VPS37A: variants seen among roughly 807,000 people sequenced by gnomAD.
The protein encoded by VPS37A is vacuolar protein sorting-associated protein 37A.
A neutral mutation model predicts 49.8 loss-of-function variants in VPS37A; 30 were observed. The observed-to-expected ratio is 0.60, with a 90% CI of 0.45 to 0.82. The LOEUF (loss-of-function observed/expected upper bound fraction) is 0.82, where lower values mean the gene tolerates loss of function less well. VPS37A is among the 40% of genes least tolerant of loss of function. The probability of loss-of-function intolerance (pLI) is 0.00; values close to 1 mark genes in which losing one functional copy is unlikely to be tolerated. For synonymous variants in VPS37A, 195 were observed against 160.6 expected (o/e 1.21, Z -1.62); for missense variants, 593 against 464.4 (o/e 1.28, Z -2.55).
At chr8:17,317,326 G>T in the VPS37A span, among the ~76,000 whole-genome samples, 2 of 152,172 alleles carry the variant, frequency 1.3e-5, no homozygotes, top group Non-Finnish European at 2.9e-5. Context: ...TAACATCTGC[G>T]AGTCCTTTGT....
chr8:17,267,806 C>T (rs977522134), intron 2 of VPS37A, among the ~76,000 whole-genome samples: 3 of 152,172 alleles, frequency 2.0e-5, no homozygotes, highest in African/African-American at 7.2e-5. Context: ...GGACTACAGG[C>T]ATGCACCACC....
chr8:17,304,563 T>C, downstream of VPS37A: 2 of 1,584,414 alleles, frequency 1.3e-6, no homozygotes, highest in African/African-American at 1.3e-5. Flanking sequence ...ATTTTGGTGC[T>C]TACACACAGT....
chr8:17,328,404 T>C, the VPS37A span, among the ~76,000 whole-genome samples: 2 of 152,198 alleles, frequency 1.3e-5, no homozygotes, highest in Non-Finnish European at 2.9e-5. Context: ...TTCCAGGCTC[T>C]TCTACGGACT....
chr8:17,301,636 C>T (rs898245570), downstream of VPS37A: 1 of 153,702 alleles, frequency 6.5e-6, no homozygotes, highest in Non-Finnish European at 1.4e-5. Context: ...TACATTAGTA[C>T]CATTGGAAAC....
chr8:17,287,810 C>G (rs923009550), intron 11 of VPS37A, among the ~76,000 whole-genome samples: 1 of 152,062 alleles, frequency 6.6e-6, no homozygotes, highest in Non-Finnish European at 1.5e-5. Context: ...GAGTAACTGA[C>G]CCAGTATGGG....
At chr8:17,253,692 C>T (rs967868143) in intron 1 of VPS37A, among the ~76,000 whole-genome samples, 2 of 152,172 alleles carry the variant, frequency 1.3e-5, no homozygotes, top group African/African-American at 4.8e-5. Context: ...CCCACTGCCG[C>T]TAGGTTAGGT....
rs1311522150 is a variant in VPS37A at position 17,247,282 on chromosome 8, C to A, written c.38C>A (p.Ser13Tyr). 1.3e-6 allele frequency: 2 copies of A among 1,567,272 alleles called. No individual in the cohort carries two copies. The highest frequency in any genetic ancestry group is 3.7e-5 in the Admixed American group (2 of 53,780). ...TTTCCCCTGACCAAGAGCGCCTCCTCCTCCGCGGCTGGGTCCCCCGGTGGC... is the reference window on the plus strand; with the variant it reads ...TTTCCCCTGACCAAGAGCGCCTCCTACTCCGCGGCTGGGTCCCCCGGTGGC... ...WLFPLTKSAS[S>Y]SAAGSPGGLT... Residue 13 changes from serine (S) to tyrosine (Y), a missense_variant, in exon 1 of 12, where the codon TCC becomes TAC. Physicochemically the swap from Ser to Tyr is moderately radical, Grantham distance 144. Coordinates refer to ENST00000324849, the MANE Select transcript of VPS37A (RefSeq NM_152415.3).
chr8:17,288,940 T>C (rs962347351), intron 11 of VPS37A, among the ~76,000 whole-genome samples: 1 of 152,224 alleles, frequency 6.6e-6, no homozygotes, highest in Non-Finnish European at 1.5e-5. Flanking sequence ...TATCTCATTG[T>C]GGTTTTGATT....
intron 1 of VPS37A, chr8:17,247,689 C>T: frequency 1.4e-6 from 1 of 702,982 alleles, no homozygotes; most frequent in Non-Finnish European, 2.6e-6. Flanking sequence ...CCAGGCTTCG[C>T]CACTGATCTT....
the VPS37A span, among the ~76,000 whole-genome samples, chr8:17,317,962 A>T: frequency 6.6e-6 from 1 of 151,902 alleles, no homozygotes; most frequent in Non-Finnish European, 1.5e-5. Context: ...GGAGGTGGGT[A>T]AGTTATTATA....
At chr8:17,254,594 G>T (rs949836222) in intron 1 of VPS37A, among the ~76,000 whole-genome samples, 2 of 151,554 alleles carry the variant, frequency 1.3e-5, no homozygotes, top group African/African-American at 4.9e-5. Flanking sequence ...CTTATGTTTT[G>T]GATTGTGATT....
At chr8:17,294,443 C>A (rs947266749) in intron 11 of VPS37A, among the ~76,000 whole-genome samples, 3 of 152,128 alleles carry the variant, frequency 2.0e-5, no homozygotes, top group Non-Finnish European at 4.4e-5. Flanking sequence ...GCATCAGCCC[C>A]CTTTCCAGGA....
downstream of VPS37A, chr8:17,300,336 T>G: frequency 8.4e-7 from 1 of 1,195,936 alleles, no homozygotes; most frequent in Non-Finnish European, 1.1e-6. Context: ...GTTAAGAACA[T>G]GTGACTCAGA....
chr8:17,279,678 A>G (rs539811585), intron 6 of VPS37A: 21 of 391,906 alleles, frequency 5.4e-5, no homozygotes, highest in South Asian at 2.2e-4. Flanking sequence ...AGTTTCATAC[A>G]TTGTTCTTTA....
intron 11 of VPS37A, among the ~76,000 whole-genome samples, chr8:17,287,501 C>T (rs148959074): frequency 0.067 from 10,124 of 151,946 alleles, 465 homozygotes; most frequent in Non-Finnish European, 0.099. Context: ...AGTGAAACCC[C>T]GTCTCTACTA....
rs548182213 is a variant in VPS37A at position 17,270,094 on chromosome 8, C to G, written c.416+1138C>G. Reference sequence around the variant, plus strand: ...AACAGTCAGATCTCATGAGAACTCACTATGGCAAGGACAGCACCAAGAGGA... The same window carrying G: ...AACAGTCAGATCTCATGAGAACTCAGTATGGCAAGGACAGCACCAAGAGGA... On this transcript the variant is annotated intron_variant, in intron 4 of 11. Coordinates refer to ENST00000324849, the MANE Select transcript of VPS37A (RefSeq NM_152415.3). 1.4e-4 allele frequency among the ~76,000 whole-genome samples: 22 copies of G among 152,110 alleles called. 1 individual carries two copies. The South Asian group carries it at 4.0e-3, about 27-fold the overall frequency.
intron 10 of VPS37A, 135 bp from the exon 11 acceptor site, chr8:17,286,212 A>G: frequency 6.1e-6 from 4 of 659,766 alleles, no homozygotes; most frequent in Non-Finnish European, 7.7e-6. Context: ...TAGCTATTAG[A>G]TTATTAGCTA....
the VPS37A span, among the ~76,000 whole-genome samples, chr8:17,328,297 C>T: frequency 6.6e-6 from 1 of 152,152 alleles, no homozygotes; most frequent in African/African-American, 2.4e-5. Context: ...CACCTTTCCA[C>T]CTTCCTCTTC....
At chr8:17,327,639 G>A in the VPS37A span, among the ~76,000 whole-genome samples, 1 of 118,508 alleles carries the variant, frequency 8.4e-6, no homozygotes. Context: ...GAAGAAACCT[G>A]GTAAAAAAAA....
Sources: gnomAD v4.1 joint callset for allele counts (sites outside exome capture counted in the v4.1 genomes callset) on GRCh38, gnomAD v4.1.1 for gene constraint, MANE v1.5 for transcripts, NCBI Gene and HGNC (gene_info 2026-07-23, HGNC 2026-07-21) for gene names.